Variants in PDE4D observed in about 807,000 individuals in gnomAD.
PDE4D encodes phosphodiesterase 4D.
Under a neutral mutation model 87.4 loss-of-function variants are expected in PDE4D, and 24 were observed. The observed-to-expected ratio is 0.27, with a 90% confidence interval of 0.20 to 0.39. The LOEUF is 0.39. Ranked by LOEUF, PDE4D falls within the 10% of genes least tolerant of loss-of-function variation. The pLI is 1.00. For missense variants in PDE4D, 714 were observed against 1,041.0 expected, an observed-to-expected ratio of 0.69 and a Z score of 4.32; for synonymous variants, 384 against 383.2, an observed-to-expected ratio of 1.00 and a Z score of -0.02.
intron 5 of PDE4D, among the ~76,000 whole-genome samples, chr5:59,052,070 C>A (rs1022306948): frequency 1.3e-5 from 2 of 152,134 alleles, no homozygotes; most frequent in Non-Finnish European, 2.9e-5. Flanking sequence ...AGCCTGGGCC[C>A]AGGAAGGAAC....
chr5:60,201,472 A>G (rs1035243924), intron 1 of PDE4D, among the ~76,000 whole-genome samples: 1 of 152,148 alleles, frequency 6.6e-6, no homozygotes, highest in Non-Finnish European at 1.5e-5. Flanking sequence ...ACATGTTTCT[A>G]AAGAGGAAAG....
rs760574380 is a variant in PDE4D at position 58,974,778 on chromosome 5, G to A, written c.2316C>T (p.Asp772=). 5.6e-6 allele frequency: 9 copies of A among 1,613,708 alleles called. No individual in the cohort carries two copies. Among genetic ancestry groups the A allele is most frequent in the Non-Finnish European group, 7.6e-6 (9 of 1,179,678 alleles). The change falls in exon 15 of 15, where the codon GAC becomes GAT. Residue 772 remains aspartate, a synonymous_variant. Coordinates refer to ENST00000340635, the MANE Select transcript of PDE4D (RefSeq NM_001104631.2). ...CAAGGGGAATTTCAGTAGACTCTGA[G>A]TCTTGAGTACAAAGAGTCTTGGAGT... is the stretch of plus-strand genomic sequence containing the variant. ...CSDSKTLCTQ[D]SESTEIPLDE... is the part of the protein sequence containing the mutation.
intron 2 of PDE4D, among the ~76,000 whole-genome samples, chr5:60,139,893 G>C (rs1582835705): frequency 1.3e-5 from 2 of 152,020 alleles, no homozygotes; most frequent in African/African-American, 4.8e-5. Context: ...AAATGTCAAA[G>C]CTTCATATAA....
intron 2 of PDE4D, among the ~76,000 whole-genome samples, chr5:59,213,777 T>C (rs1299482722): frequency 6.6e-6 from 1 of 152,078 alleles, no homozygotes; most frequent in Non-Finnish European, 1.5e-5. Context: ...AAGGTAACTG[T>C]TCTATTTCTC....
chr5:59,747,632 T>A (rs1158112498), intron 1 of PDE4D, among the ~76,000 whole-genome samples: 1 of 152,202 alleles, frequency 6.6e-6, no homozygotes, highest in Non-Finnish European at 1.5e-5. Flanking sequence ...TTTACATTGA[T>A]GAGCTTATTA....
intron 1 of PDE4D, among the ~76,000 whole-genome samples, chr5:59,521,121 A>AT (rs1812159898): frequency 6.6e-6 from 1 of 152,140 alleles, no homozygotes; most frequent in Admixed American, 6.5e-5. Context: ...AAAAAAAAAA[A>AT]AAATCTCTGC....
chr5:59,335,944 TA>T (rs1777583013), intron 1 of PDE4D, among the ~76,000 whole-genome samples: 1 of 152,210 alleles, frequency 6.6e-6, no homozygotes, highest in African/African-American at 2.4e-5. Context: ...TAGAGGTCTA[TA>T]ACTATATTCA....
chr5:59,334,349 C>T (rs1777288518), intron 1 of PDE4D, among the ~76,000 whole-genome samples: 1 of 147,890 alleles, frequency 6.8e-6, no homozygotes, highest in South Asian at 2.2e-4. Context: ...ACCTCTGCCT[C>T]CTGAGTTCAA....
At chr5:59,527,277 T>G (rs1034026320) in intron 1 of PDE4D, among the ~76,000 whole-genome samples, 4 of 152,214 alleles carry the variant, frequency 2.6e-5, no homozygotes, top group Non-Finnish European at 1.5e-5. Flanking sequence ...TTGTAAAAAT[T>G]GAATGGTACT....
chr5:59,065,077 C>T (rs1377281015), intron 5 of PDE4D, among the ~76,000 whole-genome samples: 2,311 of 21,364 alleles, frequency 0.11, 110 homozygotes, highest in African/African-American at 0.4. Flanking sequence ...TACACACACA[C>T]ACACACACAC....
chr5:59,616,248 G>A (rs1829653261), intron 1 of PDE4D, among the ~76,000 whole-genome samples: 1 of 151,752 alleles, frequency 6.6e-6, no homozygotes, highest in Non-Finnish European at 1.5e-5. Flanking sequence ...AAACATGCTG[G>A]CTTTTTAAAA....
intron 3 of PDE4D, among the ~76,000 whole-genome samples, chr5:59,899,427 A>C (rs1449842392): frequency 6.6e-6 from 1 of 151,770 alleles, no homozygotes; most frequent in Non-Finnish European, 1.5e-5. Context: ...CAGAATAAAC[A>C]CCTAAGCACA....
chr5:60,116,261 T>C (rs1177595803), intron 2 of PDE4D, among the ~76,000 whole-genome samples: 1 of 152,092 alleles, frequency 6.6e-6, no homozygotes, highest in Non-Finnish European at 1.5e-5. Flanking sequence ...CCAACCTAGA[T>C]GGTGTTGTGC....
intron 5 of PDE4D, among the ~76,000 whole-genome samples, chr5:59,084,292 C>A: frequency 6.6e-6 from 1 of 150,500 alleles, no homozygotes. Flanking sequence ...ACATCAGAGC[C>A]CTGAAATAAA....
intron 1 of PDE4D, among the ~76,000 whole-genome samples, chr5:60,216,412 T>C (rs1743853907): frequency 6.6e-6 from 1 of 152,138 alleles, no homozygotes; most frequent in Non-Finnish European, 1.5e-5. Context: ...CCTACTTCTT[T>C]GAGGAAATTG....
chr5:60,253,473 A>G lies in PDE4D; in HGVS notation c.-89-67786T>C, dbSNP rs562503772. Among the ~76,000 whole-genome samples the G allele has an allele frequency of 3.3e-5, 5 of 151,976 alleles. No individual in the cohort carries two copies. The East Asian group carries it at 7.8e-4, about 24-fold the overall frequency. The stretch of plus-strand genomic sequence containing the variant: ...GGCCCTAAAATGTATGTGTGTTAAA[A>G]GGATTGAGTCTTCTTTGGAATATTA... On this transcript the variant is annotated intron_variant, in intron 1 of 16. Transcript: ENST00000502484.
chr5:60,262,532 A>C (rs1215104550), intron 1 of PDE4D: 1 of 152,178 alleles, frequency 6.6e-6, no homozygotes, highest in Non-Finnish European at 1.5e-5. Context: ...TTAGCAGAAC[A>C]TTCCCAGGAC....
chr5:59,988,312 C>A, intron 3 of PDE4D: 1 of 485,060 alleles, frequency 2.1e-6, no homozygotes, highest in Non-Finnish European at 3.6e-6. Context: ...ACTAAAATGT[C>A]TTCTCCTGCA....
chr5:59,768,478 G>A, intron 1 of PDE4D: 1 of 1,598,386 alleles, frequency 6.3e-7, no homozygotes, highest in Middle Eastern at 1.7e-4. Context: ...TTCAGGTACT[G>A]TTAAAGTGTC....
Sources: gnomAD v4.1 joint callset for allele counts (sites outside exome capture counted in the v4.1 genomes callset) on GRCh38, gnomAD v4.1.1 for gene constraint, MANE v1.5 for transcripts, NCBI Gene and HGNC (gene_info 2026-07-23, HGNC 2026-07-21) for gene names.